The following EIF2B3 variants were observed in gnomAD, a reference collection of about 807,000 sequenced individuals.
The protein encoded by EIF2B3 is translation initiation factor eIF2B subunit gamma.
In EIF2B3, 20 loss-of-function variants were observed where a neutral mutation model predicts 54.1. The ratio of observed to expected loss-of-function variants is 0.37; its 90% CI spans 0.26 to 0.54. The LOEUF is 0.54. EIF2B3 is among the 20% of genes least tolerant of loss of function. The pLI is 0.86. For missense variants in EIF2B3, 448 were observed against 547.8 expected, an observed-to-expected ratio of 0.82 and a Z score of 1.82; for synonymous variants, 153 against 188.1, an observed-to-expected ratio of 0.81 and a Z score of 1.52.
intron 3 of EIF2B3, among the ~76,000 whole-genome samples, chr1:44,974,044 G>A (rs1644428809): frequency 6.6e-6 from 1 of 152,016 alleles, no homozygotes; most frequent in South Asian, 2.1e-4. Context: ...TGTATTGGAA[G>A]CCCCCACTCT....
chr1:44,949,134 T>G (rs1569816472), intron 3 of EIF2B3, among the ~76,000 whole-genome samples: 1 of 152,270 alleles, frequency 6.6e-6, no homozygotes. Flanking sequence ...CTTCCTCAGG[T>G]GCTGGGATTA....
At chr1:44,909,167 G>A (rs1185353091) in intron 5 of EIF2B3, among the ~76,000 whole-genome samples, 5 of 151,966 alleles carry the variant, frequency 3.3e-5, no homozygotes, top group Non-Finnish European at 7.4e-5. Flanking sequence ...GAGAGAGAGG[G>A]AGAGAAAAAA....
intron 5 of EIF2B3, among the ~76,000 whole-genome samples, chr1:44,907,836 G>C (rs1353556032): frequency 7.1e-6 from 1 of 140,936 alleles, no homozygotes; most frequent in East Asian, 2.1e-4. Context: ...GTTGCAGTGA[G>C]CCGAGATCAC....
chr1:44,870,912 T>A (rs1397571942), intron 10 of EIF2B3, among the ~76,000 whole-genome samples: 1 of 152,118 alleles, frequency 6.6e-6, no homozygotes, highest in Non-Finnish European at 1.5e-5. Flanking sequence ...CCTCCCAAAG[T>A]GCTGGGACTA....
intron 10 of EIF2B3, among the ~76,000 whole-genome samples, chr1:44,858,423 C>T (rs964088861): frequency 6.6e-6 from 1 of 152,074 alleles, no homozygotes. Context: ...ACAATGGGCT[C>T]CCCACACTCT....
At chr1:44,986,206 T>A (rs1056153239) in intron 1 of EIF2B3, among the ~76,000 whole-genome samples, 2 of 150,412 alleles carry the variant, frequency 1.3e-5, no homozygotes, top group African/African-American at 4.9e-5. Flanking sequence ...GTGGCGCGAA[T>A]TAGGCTCACT....
chr1:44,943,328 A>G (rs1190397632), intron 3 of EIF2B3, among the ~76,000 whole-genome samples: 2 of 151,758 alleles, frequency 1.3e-5, no homozygotes, highest in Non-Finnish European at 2.9e-5. Flanking sequence ...CCTGGCCAAA[A>G]ACATATTTCA....
At chr1:44,913,402 G>T (rs748734577) in intron 5 of EIF2B3, among the ~76,000 whole-genome samples, 16 of 151,930 alleles carry the variant, frequency 1.1e-4, no homozygotes, top group Non-Finnish European at 1.9e-4. Context: ...TGCTCACAAG[G>T]CTCTGTCACA....
chr1:44,907,229 C>T (rs963487957), intron 5 of EIF2B3, among the ~76,000 whole-genome samples: 5 of 152,178 alleles, frequency 3.3e-5, no homozygotes, highest in East Asian at 1.9e-4. Flanking sequence ...AGTTATCTTT[C>T]GAAGGCAAAT....
chr1:44,923,194 A>T (rs1403395655), intron 5 of EIF2B3, among the ~76,000 whole-genome samples: 1 of 152,118 alleles, frequency 6.6e-6, no homozygotes, highest in East Asian at 1.9e-4. Context: ...CTTCCTTTCC[A>T]ATTTAGATGC....
At chr1:44,854,394 C>A (rs771249831) in intron 11 of EIF2B3, among the ~76,000 whole-genome samples, 1 of 151,742 alleles carries the variant, frequency 6.6e-6, no homozygotes, top group Non-Finnish European at 1.5e-5. Context: ...CCAGAGATAA[C>A]CAATGAGAGT....
intron 9 of EIF2B3, 73 bp downstream of exon 9, chr1:44,875,545 C>T (rs1655092984): frequency 2.8e-6 from 4 of 1,452,890 alleles, no homozygotes; most frequent in Non-Finnish European, 3.9e-6. Context: ...AGGCCTCAAT[C>T]CGGCTTCTCA....
chr1:44,953,575 G>A (rs572948494), intron 3 of EIF2B3, among the ~76,000 whole-genome samples: 3 of 152,284 alleles, frequency 2.0e-5, no homozygotes, highest in South Asian at 2.1e-4. Context: ...CCAGGAGTTC[G>A]AGATCAGCCT....
intron 10 of EIF2B3, among the ~76,000 whole-genome samples, chr1:44,865,823 T>C (rs1372302336): frequency 1.3e-5 from 2 of 152,086 alleles, no homozygotes; most frequent in African/African-American, 4.8e-5. Context: ...CCGCCTCAGC[T>C]TCCCAAAATG....
intron 3 of EIF2B3, among the ~76,000 whole-genome samples, chr1:44,942,407 A>G (rs867636106): frequency 5.7e-5 from 1 of 17,642 alleles, no homozygotes; most frequent in African/African-American, 4.4e-4. Context: ...ATATATATAT[A>G]TATATATATA....
At chr1:44,901,104 G>C (rs1478561136) in intron 5 of EIF2B3, among the ~76,000 whole-genome samples, 1 of 151,854 alleles carries the variant, frequency 6.6e-6, no homozygotes, top group Non-Finnish European at 1.5e-5. Context: ...GCCATGCCTG[G>C]CTAATTGAAA....
chr1:44,943,544 C>T (rs887715437), intron 3 of EIF2B3, among the ~76,000 whole-genome samples: 1 of 151,646 alleles, frequency 6.6e-6, no homozygotes, highest in East Asian at 2.0e-4. Context: ...CTCAGCCTCC[C>T]TAGTAGCTGG....
intron 4 of EIF2B3, among the ~76,000 whole-genome samples, chr1:44,940,426 T>C (rs919553003): frequency 3.3e-5 from 5 of 150,790 alleles, no homozygotes; most frequent in African/African-American, 1.2e-4. Flanking sequence ...AAAATAAGTA[T>C]GTTACAATCA....
At chr1:44,886,078 A>G (rs969772099) in intron 6 of EIF2B3, among the ~76,000 whole-genome samples, 9 of 151,046 alleles carry the variant, frequency 6.0e-5, no homozygotes, top group Non-Finnish European at 1.0e-4. Flanking sequence ...AAATGCTTAT[A>G]ACACTCAATG....
Sources: gnomAD v4.1 joint callset for allele counts (sites outside exome capture counted in the v4.1 genomes callset) on GRCh38, gnomAD v4.1.1 for gene constraint, MANE v1.5 for transcripts, NCBI Gene and HGNC (gene_info 2026-07-23, HGNC 2026-07-21) for gene names.